The following WEE1 variants were observed in gnomAD, a reference collection of about 807,000 sequenced individuals.
WEE1 encodes the protein WEE1 G2 checkpoint kinase, also known as wee1-like protein kinase.
In WEE1, 16 loss-of-function variants were observed where a neutral mutation model predicts 68.8. The ratio of observed to expected loss-of-function variants is 0.23; its 90% CI spans 0.16 to 0.35. The LOEUF (loss-of-function observed/expected upper bound fraction) is 0.35. WEE1 is among the 10% of genes least tolerant of loss of function. The pLI is 1.00. For missense variants in WEE1, 651 were observed against 824.1 expected, an observed-to-expected ratio of 0.79 and a Z score of 2.57; for synonymous variants, 349 against 318.7, an observed-to-expected ratio of 1.09 and a Z score of -1.01.
At chr11:9,583,094 T>A (rs1301927349) in intron 6 of WEE1, among the ~76,000 whole-genome samples, 1 of 151,762 alleles carries the variant, frequency 6.6e-6, no homozygotes, top group East Asian at 1.9e-4. Flanking sequence ...GGCAGGCAGA[T>A]CACGAGGCAG....
Position 9,589,114 on chromosome 11 carries a change from G to A in WEE1, c.*512G>A. The A allele has an allele frequency of 1.0e-6, 1 of 985,784 alleles. No homozygotes were observed. The highest frequency in any genetic ancestry group is 1.2e-6 in the Non-Finnish European group (1 of 829,926). The allele number at this position is 985,784 out of a possible 1,614,324, so 61.1% of individuals were successfully genotyped here. A position where few individuals can be genotyped will look rare whatever the true frequency, so the allele number is the denominator to read the frequency against. On this transcript the variant is annotated 3_prime_UTR_variant, in exon 11 of 11. Transcript: ENST00000450114. ...GTAGGCATTGCATGAACCATGGGAT[G>A]ATGATTCTGTGGAGGTATTGCCTTG...
chr11:9,575,368 C>T (rs192573857), intron 1 of WEE1: 1 of 991,280 alleles, frequency 1.0e-6, no homozygotes, highest in South Asian at 4.5e-5. Flanking sequence ...GAAGATGCAC[C>T]TTTTAAAGTG....
chr11:9,588,389 G>T (rs980555312), intron 10 of WEE1, 60 bp from the exon 11 acceptor site: 9 of 1,205,626 alleles, frequency 7.5e-6, no homozygotes, highest in Non-Finnish European at 9.1e-6. Flanking sequence ...AATATAGTTT[G>T]TGTTAGTTTC....
In WEE1 at chr11:9,589,839, TG is replaced by T. The variant is rs1294837869; in HGVS notation, c.*1238del. ...ACTATAAAATGTATAGTGTGTATAA[TG>T]TACTATTATAAAAGCAGAGGGCACA... On this transcript the variant is annotated 3_prime_UTR_variant, in exon 11 of 11. Transcript: ENST00000450114. The T allele has an allele frequency of 1.9e-6, 1 of 535,358 alleles. No homozygotes were observed. The highest frequency in any genetic ancestry group is 2.4e-6 in the Non-Finnish European group (1 of 418,478). The allele number at this position is 535,358 out of a possible 1,614,324, so 33.2% of individuals were successfully genotyped here. A position where few individuals can be genotyped will look rare whatever the true frequency, so the allele number is the denominator to read the frequency against.
At chr11:9,581,320 A>G (rs1849625532) in intron 5 of WEE1, 1 of 492,780 alleles carries the variant, frequency 2.0e-6, no homozygotes, top group Non-Finnish European at 3.5e-6. Context: ...TGATTGAGAG[A>G]GAGACTTTAC....
chr11:9,581,765 T>G, intron 6 of WEE1, 87 bp downstream of exon 6: 1 of 1,315,010 alleles, frequency 7.6e-7, no homozygotes, highest in South Asian at 1.4e-5. Flanking sequence ...AAAATATATA[T>G]CTTCTGTTTT....
chr11:9,583,802 C>CACATATAT (rs1295357946), intron 6 of WEE1, among the ~76,000 whole-genome samples: 4 of 17,846 alleles, frequency 2.2e-4, no homozygotes, highest in Non-Finnish European at 4.0e-4. Flanking sequence ...CACACACACA[C>CACATATAT]ATATATATAT....
At chr11:9,587,150 G>A (rs1849709726) in intron 10 of WEE1, among the ~76,000 whole-genome samples, 1 of 152,024 alleles carries the variant, frequency 6.6e-6, no homozygotes, top group African/African-American at 2.4e-5. Flanking sequence ...TGTAGAGATG[G>A]GGTTTTTGCC....
Position 9,588,679 on chromosome 11 carries a change from G to T in WEE1, c.*77G>T. 7.1e-7 allele frequency: 1 copy of T among 1,402,394 alleles called. No individual in the cohort carries two copies. 86.9% of individuals were successfully genotyped at this position (1,402,394 alleles called of 1,614,324 possible). ...TGAAATCACTGATAGAATCCAGTTTGCAATTACTTTCTCGATTGGTGTCAG... is the reference window on the plus strand; with the variant it reads ...TGAAATCACTGATAGAATCCAGTTTTCAATTACTTTCTCGATTGGTGTCAG... On this transcript the variant is annotated 3_prime_UTR_variant, in exon 11 of 11. Coordinates refer to ENST00000450114, the MANE Select transcript of WEE1 (RefSeq NM_003390.4).
At chr11:9,577,658 A>G in intron 5 of WEE1, 3 of 327,050 alleles carry the variant, frequency 9.2e-6, no homozygotes, top group South Asian at 7.6e-5. Flanking sequence ...GCTAAAACTG[A>G]TGTTTGTTAG....
rs1849532271 is a variant in WEE1 at position 9,573,885 on chromosome 11, C to T, written c.-49C>T. The T allele has an allele frequency of 8.3e-7, 1 of 1,211,852 alleles. No homozygotes were observed. The highest frequency in any genetic ancestry group is 1.0e-6 in the Non-Finnish European group (1 of 973,414). The allele number at this position is 1,211,852 out of a possible 1,614,324, so 75.1% of individuals were successfully genotyped here. On this transcript the variant is annotated 5_prime_UTR_variant, in exon 1 of 11. Coordinates refer to ENST00000450114, the MANE Select transcript of WEE1 (RefSeq NM_003390.4). ...GCCCCCAGGCCCGCAGTGTCCTGGA[C>T]CCCGCAGGCCTCCGCTCTCCTGTCC...
Position 9,585,351 on chromosome 11 carries a change from T to A in WEE1, c.1382T>A (p.Ile461Lys). 6.2e-7 allele frequency: 1 copy of A among 1,613,634 alleles called. No homozygotes were observed. ...DWASNKVMFK[I>K]GDLGHVTRIS... is the part of the protein sequence containing the mutation. ...GCATCCAACAAAGTTATGTTTAAAA[T>A]AGGTAAGAAAGGTAATCAGATTATT... Residue 461 changes from isoleucine (I) to lysine (K), a missense_variant and splice_region_variant, in exon 7 of 11, where the codon ATA (isoleucine) becomes AAA (lysine). Transcript: ENST00000450114.
In WEE1 at chr11:9,575,223, A is replaced by G. The variant is rs576508354; in HGVS notation, c.577-665A>G. The G allele has an allele frequency of 7.8e-5, 77 of 985,564 alleles. No individual in the cohort carries two copies. The African/African-American group carries it at 1.3e-3, about 16-fold the overall frequency. 61.1% of individuals were successfully genotyped at this position (985,564 alleles called of 1,614,324 possible). ...CATCCTACCGTAGATAAGGTATCTT[A>G]AAGAAGGAGGTGTTCAGCACCTGTG... On this transcript the variant is annotated intron_variant, in intron 1 of 10. Transcript: ENST00000450114.
chr11:9,583,529 T>G (rs1849652061), intron 6 of WEE1, among the ~76,000 whole-genome samples: 1 of 148,572 alleles, frequency 6.7e-6, no homozygotes, highest in Non-Finnish European at 1.5e-5. Flanking sequence ...GCAGGAGAAT[T>G]GCTTGAACCC....
Position 9,576,446 on chromosome 11 carries a change from G to A in WEE1, c.847-41G>A, listed in dbSNP as rs1301581496. ...ACCATAGCAAGAAATAACTGTTTTC[G>A]TATATTTGTATTACATATATGGAAA... On this transcript the variant is annotated intron_variant, in intron 3 of 10. Transcript: ENST00000450114. This position sits in a 1 kb window ranked among gnomAD's most constrained non-coding sequence, Gnocchi z 4.3. The A allele has an allele frequency of 3.2e-6, 5 of 1,586,784 alleles. No individual in the cohort carries two copies. The highest frequency in any genetic ancestry group is 1.8e-5 in the Admixed American group (1 of 55,658).
At chr11:9,583,928 C>G (rs980279827) in intron 6 of WEE1, among the ~76,000 whole-genome samples, 1 of 147,962 alleles carries the variant, frequency 6.8e-6, no homozygotes, top group African/African-American at 2.5e-5. Context: ...TCACTGCAAC[C>G]TCTGCCTCCT....
At chr11:9,575,506 G>C in intron 1 of WEE1, 1 of 693,998 alleles carries the variant, frequency 1.4e-6, no homozygotes, top group Non-Finnish European at 1.8e-6. Context: ...GGAGTCCAGC[G>C]GAGGTGGCTA....
intron 1 of WEE1, 109 bp from the exon 2 acceptor site, chr11:9,575,779 C>CT: frequency 1.1e-6 from 1 of 885,054 alleles, no homozygotes. Flanking sequence ...TTGTGTGTTG[C>CT]TTTCACCTAC....
Position 9,576,251 on chromosome 11 carries a change from A to G in WEE1, c.804A>G (p.Glu268=), listed in dbSNP as rs1018578836. The change falls in exon 3 of 11, where the codon GAA becomes GAG. Residue 268 remains glutamate (E), a synonymous_variant. Coordinates refer to ENST00000450114, the MANE Select transcript of WEE1 (RefSeq NM_003390.4). This position sits in a 1 kb window ranked among gnomAD's most constrained non-coding sequence, Gnocchi z 4.3. ...TTAGTTCCTGTGGTGAAGACATGGA[A>G]GCCAGTGATTATGAGCTTGAAGATG... The part of the protein sequence containing the change: ...YWNDSCGEDM[E]ASDYELEDET... The G allele has an allele frequency of 1.3e-6, 2 of 1,518,062 alleles. No individual in the cohort carries two copies. The highest frequency in any genetic ancestry group is 1.8e-6 in the Non-Finnish European group (2 of 1,115,920). The allele number at this position is 1,518,062 out of a possible 1,614,324, so 94.0% of individuals were successfully genotyped here. A position where few individuals can be genotyped will look rare whatever the true frequency, so the allele number is the denominator to read the frequency against.
Sources: allele counts gnomAD v4.1 joint callset (sites outside exome capture counted in the v4.1 genomes callset), GRCh38; gene constraint gnomAD v4.1.1; non-coding constraint Gnocchi (gnomAD v3.1); transcripts MANE v1.5; gene names NCBI Gene and HGNC (gene_info 2026-07-23, HGNC 2026-07-21).